The following SASH1 variants were observed in gnomAD, a reference collection of about 807,000 sequenced individuals.
The protein encoded by SASH1 is SAM and SH3 domain-containing protein 1.
In SASH1, 44 loss-of-function variants were observed where a neutral mutation model predicts 125.2. That is an observed-to-expected ratio of 0.35 (90% CI 0.28 to 0.45). The LOEUF (loss-of-function observed/expected upper bound fraction) is 0.45, where lower values mean the gene tolerates loss of function less well. Ranked by LOEUF, SASH1 falls within the 20% of genes least tolerant of loss-of-function variation. SASH1 has a pLI of 1.00. For missense variants in SASH1, 1,426 were observed against 1,614.5 expected (o/e 0.88, Z 2.00); for synonymous variants, 639 against 649.1 (o/e 0.98, Z 0.24).
Position 148,540,516 on chromosome 6 carries a change from A to G in SASH1, c.2169A>G (p.Arg723=), listed in dbSNP as rs1197840422. 1 of 1,613,970 alleles carries G rather than the reference A, an allele frequency of 6.2e-7. No individual in the cohort carries two copies. The highest frequency in any genetic ancestry group is 8.5e-7 in the Non-Finnish European group (1 of 1,180,008). Residue 723 remains arginine, a synonymous_variant, in exon 17 of 20, where the codon CGA becomes CGG. Transcript: ENST00000367467. ...AGGGCCTGAGTGGATGCTCACCCCG[A>G]GACTCAGGATGCTACGAAAGCAGTG... is the stretch of plus-strand genomic sequence containing the variant. ...DSQGLSGCSP[R]DSGCYESSEN...
intron 8 of SASH1, among the ~76,000 whole-genome samples, chr6:148,498,955 C>G (rs1302258566): frequency 2.0e-5 from 3 of 152,148 alleles, no homozygotes; most frequent in African/African-American, 7.2e-5. Context: ...CGGGCCATCT[C>G]CAACCTAAGC....
chr6:148,227,979 T>G, the SASH1 span, among the ~76,000 whole-genome samples: 1 of 152,116 alleles, frequency 6.6e-6, no homozygotes, highest in Non-Finnish European at 1.5e-5. Context: ...TACCCAAGCA[T>G]TGGGCCAAGA....
At chr6:148,242,266 G>T in the SASH1 span, among the ~76,000 whole-genome samples, 21 of 152,216 alleles carry the variant, frequency 1.4e-4, no homozygotes, top group South Asian at 4.4e-3. Flanking sequence ...AAACAGAAAG[G>T]GTGGGAAAAT....
chr6:148,525,858 G>A (rs1448322255), intron 11 of SASH1, among the ~76,000 whole-genome samples: 5 of 151,978 alleles, frequency 3.3e-5, no homozygotes, highest in Non-Finnish European at 7.4e-5. Context: ...GGTCTGGGGT[G>A]TCCTGGAATG....
At position 148,485,831 on chromosome 6, in the gene SASH1, C is replaced by T. The variant is rs117096774; in HGVS notation, c.628-1783C>T. Among the ~76,000 whole-genome samples the T allele has an allele frequency of 1.1e-3, 170 of 152,328 alleles. 1 individual carries two copies. The highest frequency in any genetic ancestry group is 2.1e-3 in the Non-Finnish European group (142 of 68,034). ...GGCTTCGGGATTGTCCAGTCACCAT[C>T]ACGTGGGCAGGCAGGTTCAATTATT... On this transcript the variant is annotated intron_variant, in intron 7 of 19. Transcript: ENST00000367467.
intron 1 of SASH1, among the ~76,000 whole-genome samples, chr6:148,319,573 A>G (rs1582959585): frequency 6.6e-6 from 1 of 151,660 alleles, no homozygotes; most frequent in Admixed American, 6.6e-5. Flanking sequence ...CTGGAGTGCA[A>G]TGGCATGATC....
At chr6:148,492,844 A>C (rs1231877213) in intron 8 of SASH1, among the ~76,000 whole-genome samples, 4 of 130,780 alleles carry the variant, frequency 3.1e-5, no homozygotes, top group Non-Finnish European at 6.6e-5. Flanking sequence ...AAATAAATAA[A>C]TAAATAAATA....
chr6:148,367,175 C>T (rs1480209560), intron 1 of SASH1, among the ~76,000 whole-genome samples: 7 of 152,214 alleles, frequency 4.6e-5, no homozygotes, highest in South Asian at 4.1e-4. Flanking sequence ...CCACCTTCCT[C>T]GGCCTCCCAA....
At chr6:148,377,741 G>A (rs1782969888) in intron 1 of SASH1, among the ~76,000 whole-genome samples, 1 of 152,138 alleles carries the variant, frequency 6.6e-6, no homozygotes, top group Admixed American at 6.5e-5. Context: ...TTGGAATTCT[G>A]TGCCACTCAT....
chr6:148,234,760 G>A, the SASH1 span, among the ~76,000 whole-genome samples: 1 of 151,842 alleles, frequency 6.6e-6, no homozygotes, highest in African/African-American at 2.4e-5. Context: ...CCGGGAGGCG[G>A]AGGTTGCAAT....
At chr6:148,514,174 G>T in intron 8 of SASH1, 150 bp from the exon 9 acceptor site, 1 of 1,440,544 alleles carries the variant, frequency 6.9e-7, no homozygotes, top group Non-Finnish European at 9.1e-7. Flanking sequence ...GTGGCACTTT[G>T]TAAACCTCTT....
chr6:148,347,045 A>T (rs1213098501), intron 1 of SASH1, among the ~76,000 whole-genome samples: 1 of 152,084 alleles, frequency 6.6e-6, no homozygotes, highest in Non-Finnish European at 1.5e-5. Context: ...TTTTTTAGGT[A>T]GGGGAGGGAA....
intron 2 of SASH1, among the ~76,000 whole-genome samples, chr6:148,418,871 C>G (rs761429528): frequency 6.6e-5 from 10 of 152,238 alleles, no homozygotes; most frequent in Middle Eastern, 3.4e-3. Flanking sequence ...AAATCATAAC[C>G]CTTCTTCCAC....
upstream of SASH1, among the ~76,000 whole-genome samples, chr6:148,339,500 A>G (rs1005110160): frequency 6.6e-6 from 1 of 151,374 alleles, no homozygotes; most frequent in Admixed American, 6.6e-5. Flanking sequence ...GTTTAATTAT[A>G]TGTGTGTGTA....
chr6:148,466,644 C>T (rs890915664), intron 4 of SASH1, among the ~76,000 whole-genome samples: 7 of 152,146 alleles, frequency 4.6e-5, no homozygotes, highest in Non-Finnish European at 8.8e-5. Flanking sequence ...TCACTACAAC[C>T]TCGGACTCCT....
At chr6:148,421,203 AAGAAAGAAAGAAAAAG>A (rs1233429014) in intron 2 of SASH1, among the ~76,000 whole-genome samples, 1 of 141,174 alleles carries the variant, frequency 7.1e-6, no homozygotes, top group African/African-American at 2.5e-5. Flanking sequence ...GAAAGAAAGA[AAGAAAGAAAGAAAAAG>A]AAAGAAAGAA....
chr6:148,340,506 A>G (rs1486062347), upstream of SASH1, among the ~76,000 whole-genome samples: 2 of 148,004 alleles, frequency 1.4e-5, no homozygotes, highest in Admixed American at 1.4e-4. Context: ...AAAAAAAAAA[A>G]GTATCACGTG....
intron 1 of SASH1, among the ~76,000 whole-genome samples, chr6:148,353,661 C>T (rs576964627): frequency 1.6e-4 from 25 of 152,154 alleles, no homozygotes; most frequent in Non-Finnish European, 2.9e-4. Context: ...TCTCGAACTC[C>T]TGACCTCAGG....
intron 4 of SASH1, among the ~76,000 whole-genome samples, chr6:148,440,956 T>C (rs1776520548): frequency 6.6e-6 from 1 of 152,232 alleles, no homozygotes; most frequent in African/African-American, 2.4e-5. Context: ...ATTTCTGCTC[T>C]CATGGAAGCT....
Sources: allele counts gnomAD v4.1 joint callset (sites outside exome capture counted in the v4.1 genomes callset), GRCh38; gene constraint gnomAD v4.1.1; transcripts MANE v1.5; gene names NCBI Gene and HGNC (gene_info 2026-07-23, HGNC 2026-07-21).